Variants in CAMK2G observed in about 807,000 individuals in gnomAD.
The protein encoded by CAMK2G is calcium/calmodulin dependent protein kinase II gamma, also known as calcium/calmodulin-dependent protein kinase type II subunit gamma.
CAMK2G carries 23 observed loss-of-function variants against 88.7 expected under a neutral mutation model. The observed-to-expected ratio is 0.26, with a 90% CI of 0.19 to 0.37. CAMK2G has a LOEUF of 0.37. Ranked by LOEUF, CAMK2G falls within the 10% of genes least tolerant of loss-of-function variation. CAMK2G has a pLI of 1.00. For synonymous variants in CAMK2G, 263 were observed against 294.8 expected (o/e 0.89, Z 1.11); for missense variants, 476 against 780.8 (o/e 0.61, Z 4.65).
At chr10:73,856,902 C>T (rs1277963680) in intron 3 of CAMK2G, among the ~76,000 whole-genome samples, 4 of 152,188 alleles carry the variant, frequency 2.6e-5, no homozygotes, top group Non-Finnish European at 5.9e-5. Context: ...TAAAAACCAC[C>T]CAACAATATG....
At chr10:73,838,493 C>T (rs1390849447) in intron 13 of CAMK2G, among the ~76,000 whole-genome samples, 1 of 152,192 alleles carries the variant, frequency 6.6e-6, no homozygotes, top group Admixed American at 6.5e-5. Context: ...GCATGAAAAG[C>T]ACTTAGAGTG....
intron 17 of CAMK2G, 28 bp from the exon 18 acceptor site, chr10:73,821,758 T>C (rs368788909): frequency 1.3e-6 from 2 of 1,590,930 alleles, no homozygotes; most frequent in African/African-American, 1.3e-5. Flanking sequence ...CATGTTTCTA[T>C]ATGCTCCATC....
At chr10:73,843,782 T>A (rs1006787755) in intron 10 of CAMK2G, among the ~76,000 whole-genome samples, 4 of 152,026 alleles carry the variant, frequency 2.6e-5, no homozygotes, top group Non-Finnish European at 5.9e-5. Context: ...TTCTCTACCT[T>A]CCCCAAGTCT....
chr10:73,849,143 G>A, intron 6 of CAMK2G, 28 bp from the exon 7 acceptor site: 3 of 1,596,416 alleles, frequency 1.9e-6, no homozygotes, highest in East Asian at 2.2e-5. Flanking sequence ...AGAACCTTGT[G>A]AGCACCCACC....
intron 2 of CAMK2G, among the ~76,000 whole-genome samples, chr10:73,866,382 A>G (rs1489148991): frequency 6.6e-6 from 1 of 152,078 alleles, no homozygotes; most frequent in African/African-American, 2.4e-5. Context: ...TTCCTCTGCC[A>G]GGTCAGGGGG....
rs139005305 is a variant in CAMK2G, at chr10:73,871,963, C to T, written c.160+1026G>A. Among the ~76,000 whole-genome samples the T allele has an allele frequency of 1.7e-4, 26 of 152,282 alleles. No individual in the cohort carries two copies. The East Asian group carries it at 4.8e-3, about 28-fold the overall frequency. ...AAACCCGTGTCATTATTGGCCAAAG[C>T]CCATGTCTTCCCCAGGGCATGTGTC... On this transcript the variant is annotated intron_variant, in intron 2 of 22. Transcript: ENST00000423381.
chr10:73,852,119 T>C, intron 5 of CAMK2G, 135 bp downstream of exon 5: 1 of 694,978 alleles, frequency 1.4e-6, no homozygotes, highest in Non-Finnish European at 2.6e-6. Context: ...ACAGAATCTT[T>C]CTCCAGACAA....
chr10:73,835,490 G>C (rs1347101115), intron 14 of CAMK2G, among the ~76,000 whole-genome samples: 1 of 149,724 alleles, frequency 6.7e-6, no homozygotes, highest in Non-Finnish European at 1.5e-5. Context: ...TCACAGACAA[G>C]GTTTTGCCCA....
At chr10:73,820,490 A>ATTTT (rs1458257825) in intron 18 of CAMK2G, among the ~76,000 whole-genome samples, 60 of 53,148 alleles carry the variant, frequency 1.1e-3, no homozygotes, top group East Asian at 1.7e-3. Context: ...ATATATATAT[A>ATTTT]TATTTTTTTT....
At chr10:73,869,360 A>G (rs2095718321) in intron 2 of CAMK2G, among the ~76,000 whole-genome samples, 2 of 152,226 alleles carry the variant, frequency 1.3e-5, no homozygotes, top group Admixed American at 1.3e-4. Flanking sequence ...AGGAGGAATC[A>G]TCAGCTAAAT....
Position 73,842,449 on chromosome 10 carries a change from G to T in CAMK2G, c.903+9C>A. On this transcript the variant is annotated intron_variant, in intron 11 of 22. Transcript: ENST00000423381. This position sits in a 1 kb window ranked among gnomAD's most constrained non-coding sequence, Gnocchi z 4.6. ...TCAAGGAGGCTGGCAGCCTAGAAAC[G>T]ACACTCACCTTCAGTTTTCTCCGGG... 6.2e-7 allele frequency: 1 copy of T among 1,602,632 alleles called. No homozygotes were observed. The highest frequency in any genetic ancestry group is 8.6e-7 in the Non-Finnish European group (1 of 1,169,526).
chr10:73,828,178 G>C (rs2091590542), intron 14 of CAMK2G, 57 bp from the exon 15 acceptor site: 2 of 1,409,208 alleles, frequency 1.4e-6, no homozygotes, highest in South Asian at 2.3e-5. Flanking sequence ...AAGAAGAGAA[G>C]CACAGAGACG....
At chr10:73,843,820 T>A (rs1473706918) in intron 10 of CAMK2G, among the ~76,000 whole-genome samples, 4 of 152,114 alleles carry the variant, frequency 2.6e-5, no homozygotes, top group African/African-American at 9.7e-5. Flanking sequence ...TCGGTGTAAA[T>A]TTCTCCAAAA....
intron 10 of CAMK2G, among the ~76,000 whole-genome samples, chr10:73,845,184 G>A (rs143276375): frequency 6.6e-6 from 1 of 152,272 alleles, no homozygotes; most frequent in East Asian, 1.9e-4. Context: ...CTACAATGTG[G>A]ATTTCCAATT....
At chr10:73,828,263 G>A in intron 14 of CAMK2G, 142 bp from the exon 15 acceptor site, 1 of 709,680 alleles carries the variant, frequency 1.4e-6, no homozygotes, top group East Asian at 2.7e-5. Context: ...TCCAGCACCA[G>A]AGGGTTAAAC....
intron 2 of CAMK2G, among the ~76,000 whole-genome samples, chr10:73,869,133 T>C (rs897385393): frequency 2.5e-4 from 38 of 152,266 alleles, no homozygotes; most frequent in African/African-American, 7.7e-4. Context: ...GAGTGGCTCA[T>C]GCCTCACCTG....
At chr10:73,814,977 C>T in intron 22 of CAMK2G, 26 bp downstream of exon 22, 5 of 1,509,468 alleles carry the variant, frequency 3.3e-6, no homozygotes, top group Non-Finnish European at 3.7e-6. Context: ...CCCTTCCAGC[C>T]CCTCTCCCCC....
intron 3 of CAMK2G, among the ~76,000 whole-genome samples, chr10:73,854,540 A>C (rs1343162367): frequency 3.3e-5 from 5 of 152,148 alleles, no homozygotes; most frequent in African/African-American, 1.2e-4. Context: ...AAGCCTTGGC[A>C]GTTACAGGTG....
intron 17 of CAMK2G, among the ~76,000 whole-genome samples, chr10:73,822,686 A>G (rs1453209339): frequency 2.0e-5 from 3 of 151,878 alleles, no homozygotes; most frequent in Non-Finnish European, 4.4e-5. Flanking sequence ...CTTGATTACA[A>G]AGGCCACATC....
Sources: gnomAD v4.1 joint callset for allele counts (sites outside exome capture counted in the v4.1 genomes callset) on GRCh38, gnomAD v4.1.1 for gene constraint, Gnocchi (gnomAD v3.1) non-coding constraint, MANE v1.5 for transcripts, NCBI Gene and HGNC (gene_info 2026-07-23, HGNC 2026-07-21) for gene names.